The following TCF24 variants were observed in gnomAD, a reference collection of about 807,000 sequenced individuals.
The protein encoded by TCF24 is transcription factor 24.
A neutral mutation model predicts 9.3 loss-of-function variants in TCF24; 5 were observed. The observed-to-expected ratio is 0.54, with a 90% CI of 0.28 to 1.13. The LOEUF (loss-of-function observed/expected upper bound fraction) is 1.13, where lower values mean the gene tolerates loss of function less well. TCF24 is among the 50% of genes most tolerant of loss of function. TCF24 has a pLI of 0.09. For missense variants in TCF24, 220 were observed against 236.1 expected (o/e 0.93, Z 0.45); for synonymous variants, 110 against 115.8 (o/e 0.95, Z 0.32).
At chr8:66,948,197 G>A in intron 3 of TCF24, 33 bp from the exon 4 acceptor site, 2 of 1,475,382 alleles carry the variant, frequency 1.4e-6, no homozygotes, top group Non-Finnish European at 1.8e-6. Flanking sequence ...GAATTCAAAA[G>A]TTAGTATCTA....
intron 3 of TCF24, among the ~76,000 whole-genome samples, chr8:66,960,205 G>A (rs1483172013): frequency 6.6e-6 from 1 of 152,056 alleles, no homozygotes; most frequent in Non-Finnish European, 1.5e-5. Context: ...ATGAAATAAA[G>A]TCTATCGTAA....
chr8:66,948,827 C>T (rs893758383), intron 3 of TCF24, among the ~76,000 whole-genome samples: 2 of 152,148 alleles, frequency 1.3e-5, no homozygotes, highest in African/African-American at 4.8e-5. Flanking sequence ...TCCTGAGTAG[C>T]TAGGATTATA....
intron 3 of TCF24, among the ~76,000 whole-genome samples, chr8:66,948,659 CTAT>C: frequency 1.3e-5 from 1 of 75,248 alleles, no homozygotes; most frequent in East Asian, 4.0e-4. Flanking sequence ...TGTCAACTAT[CTAT>C]CTATCTATCT....
chr8:66,948,237 A>G (rs1813993626), intron 3 of TCF24, 73 bp from the exon 4 acceptor site: 2 of 1,023,972 alleles, frequency 2.0e-6, no homozygotes, highest in Non-Finnish European at 2.7e-6. Flanking sequence ...CTACAATGTT[A>G]AAGATTGTAA....
rs1008039689 is a variant in TCF24 at position 66,947,012 on chromosome 8, T to A, written c.*1039A>T. 2.0e-4 allele frequency: 31 copies of A among 152,220 alleles called. No individual in the cohort carries two copies. Among genetic ancestry groups the A allele is most frequent in the Admixed American group, 2.0e-3 (31 of 15,274 alleles). The allele number at this position is 152,220 out of a possible 1,614,324, so 9.4% of individuals were successfully genotyped here. A position where few individuals can be genotyped will look rare whatever the true frequency, so the allele number is the denominator to read the frequency against. On this transcript the variant is annotated 3_prime_UTR_variant, in exon 4 of 4. Transcript: ENST00000563496. ...TTCTTATGTCAATAACTTATAATAG[T>A]GAATGGCTGAATCCAAATCTCATTT...
At chr8:66,954,813 C>G (rs1220339721) in intron 3 of TCF24, among the ~76,000 whole-genome samples, 2 of 150,088 alleles carry the variant, frequency 1.3e-5, no homozygotes, top group Non-Finnish European at 3.0e-5. Context: ...GTTTTTTAAG[C>G]CGGTCCGAAA....
rs201276828 is a variant in TCF24 at position 66,960,847 on chromosome 8, A to G, written c.390+529T>C. Among the ~76,000 whole-genome samples the G allele has an allele frequency of 1.8e-4, 28 of 152,250 alleles. No homozygotes were observed. The East Asian group carries it at 5.0e-3, about 27-fold the overall frequency. ...ACCTTTATTTAAACGGACAAATTTT[A>G]CTCCATAGAGATGCAGAATGGTCTC... is the stretch of plus-strand genomic sequence containing the variant. On this transcript the variant is annotated intron_variant, in intron 3 of 3. Transcript: ENST00000563496.
chr8:66,947,667 A>T lies in TCF24; in HGVS notation c.*384T>A, dbSNP rs183469424. 6.1e-4 allele frequency: 95 copies of T among 154,792 alleles called. No individual in the cohort carries two copies. Among genetic ancestry groups the T allele is most frequent in the Non-Finnish European group, 1.0e-3 (73 of 69,778 alleles). 9.6% of individuals were successfully genotyped at this position (154,792 alleles called of 1,614,324 possible). ...CACAAAAAAGGAATACTCGTATATT[A>T]TAAACACAGATTTTTATCTTTTTAA... is the stretch of plus-strand genomic sequence containing the variant. On this transcript the variant is annotated 3_prime_UTR_variant, in exon 4 of 4. Transcript: ENST00000563496.
At chr8:66,953,575 T>C (rs1814092510) in intron 3 of TCF24, among the ~76,000 whole-genome samples, 1 of 150,622 alleles carries the variant, frequency 6.6e-6, no homozygotes, top group Non-Finnish European at 1.5e-5. Context: ...TTATGTGTCT[T>C]GGAGTTGCTC....
At chr8:66,955,396 T>C (rs902033559) in intron 3 of TCF24, among the ~76,000 whole-genome samples, 8 of 149,354 alleles carry the variant, frequency 5.4e-5, no homozygotes, top group Non-Finnish European at 8.9e-5. Flanking sequence ...AAAAAAAAAA[T>C]ACAACTCCTA....
At chr8:66,956,174 G>A (rs1308940898) in intron 3 of TCF24, among the ~76,000 whole-genome samples, 2 of 152,056 alleles carry the variant, frequency 1.3e-5, no homozygotes, top group East Asian at 3.9e-4. Context: ...GTTCAAGGGT[G>A]GTCTTGAACT....
At chr8:66,949,118 T>C (rs1814014699) in intron 3 of TCF24, among the ~76,000 whole-genome samples, 1 of 152,116 alleles carries the variant, frequency 6.6e-6, no homozygotes, top group African/African-American at 2.4e-5. Context: ...TTTTTTTTTA[T>C]TATACTTTAA....
chr8:66,954,827 G>A (rs558806991), intron 3 of TCF24, among the ~76,000 whole-genome samples: 4 of 152,232 alleles, frequency 2.6e-5, no homozygotes, highest in African/African-American at 4.8e-5. Flanking sequence ...TCCGAAAAGC[G>A]CAATATTCGG....
At chr8:66,957,111 CAAAAAAAAAAAA>C (rs1165600722) in intron 3 of TCF24, among the ~76,000 whole-genome samples, 1,712 of 15,756 alleles carry the variant, frequency 0.11, 65 homozygotes, top group African/African-American at 0.25. Flanking sequence ...GACTCCGTCT[CAAAAAAAAAAAA>C]AAAAAAAAAA....
intron 3 of TCF24, among the ~76,000 whole-genome samples, chr8:66,949,511 A>G (rs1308522043): frequency 1.3e-5 from 2 of 152,134 alleles, no homozygotes; most frequent in Non-Finnish European, 2.9e-5. Flanking sequence ...TCATTGTTGG[A>G]CATTTGGGTT....
rs1203402077 is a variant in TCF24, at chr8:66,961,871, G to C, written c.-24+6C>G. 1 of 952,056 alleles carries C rather than the reference G, an allele frequency of 1.1e-6. No homozygotes were observed. The allele number at this position is 952,056 out of a possible 1,614,324, so 59.0% of individuals were successfully genotyped here. On this transcript the variant is annotated splice_donor_region_variant and intron_variant, in intron 2 of 3. Coordinates refer to ENST00000563496, the MANE Select transcript of TCF24 (RefSeq NM_001193502.2). ...CGCAGCCCCCTGGTTCTCCCCGTGC[G>C]CCCACCAGCAGCCCAACGGGGCTAA...
At chr8:66,957,643 C>T (rs187633183) in intron 3 of TCF24, among the ~76,000 whole-genome samples, 2 of 151,894 alleles carry the variant, frequency 1.3e-5, no homozygotes, top group African/African-American at 4.8e-5. Flanking sequence ...CAGACTAATA[C>T]ATATAGTGAA....
intron 3 of TCF24, among the ~76,000 whole-genome samples, chr8:66,960,348 C>T (rs1319369710): frequency 6.6e-6 from 1 of 151,868 alleles, no homozygotes; most frequent in Non-Finnish European, 1.5e-5. Context: ...AGAGGGTGTG[C>T]TTTACCATAT....
intron 3 of TCF24, among the ~76,000 whole-genome samples, chr8:66,949,761 G>C (rs1332441074): frequency 1.3e-5 from 2 of 151,212 alleles, no homozygotes; most frequent in Non-Finnish European, 2.9e-5. Flanking sequence ...ATCCTCTCCA[G>C]CACCTGTTGT....
Sources: allele counts gnomAD v4.1 joint callset (sites outside exome capture counted in the v4.1 genomes callset), GRCh38; gene constraint gnomAD v4.1.1; transcripts MANE v1.5; gene names NCBI Gene and HGNC (gene_info 2026-07-23, HGNC 2026-07-21).